TTN: variants seen among roughly 807,000 people sequenced by gnomAD.
TTN encodes titin, also known as connectin.
Under a neutral mutation model 3,223.0 loss-of-function variants are expected in TTN, and 1,525 were observed. The ratio of observed to expected loss-of-function variants is 0.47; its 90% CI spans 0.45 to 0.49. TTN has a LOEUF of 0.49. Among genes scored for constraint, TTN ranks in the 20% least tolerant of loss-of-function variants. TTN has a pLI of 0.00. For synonymous variants in TTN, 14,094 were observed against 15,161.0 expected, an observed-to-expected ratio of 0.93 and a Z score of 5.17; for missense variants, 40,786 against 43,424.0, an observed-to-expected ratio of 0.94 and a Z score of 5.40.
At position 178,693,555 on chromosome 2, in the gene TTN, T is replaced by A. The variant is rs2255167; in HGVS notation, c.31594+54A>T. On this transcript the variant is annotated intron_variant, in intron 119 of 362. Transcript: ENST00000589042. The stretch of plus-strand genomic sequence containing the variant: ...TACTAACATAAATGTTTTACTATGG[T>A]ATTTGTACTAATTTTTATTAAAAGA... The A allele has an allele frequency of 0.21, 255,723 of 1,239,368 alleles. 30,132 individuals carry two copies. The highest frequency in any genetic ancestry group is 0.54 in the East Asian group (20,968 of 38,662). The allele number at this position is 1,239,368 out of a possible 1,614,324, so 76.8% of individuals were successfully genotyped here.
In TTN at chr2:178,711,119, A is replaced by G. The variant is rs758050033; in HGVS notation, c.28117T>C (p.Cys9373Arg). The change falls in exon 97 of 363, where the codon TGC becomes CGC. Residue 9373 changes from cysteine to arginine, a missense_variant. Physicochemically the swap from Cys to Arg is radical, Grantham distance 180 (BLOSUM62 -3). Coordinates refer to ENST00000589042, the MANE Select transcript of TTN (RefSeq NM_001267550.2). ...TDRSLAGQYS[C>R]TATNPIGSAS... is the part of the protein sequence containing the mutation. ...GAGCCTATAGGGTTTGTAGCTGTGCAGGAATACTGGCCTGCAAGGCTCCGG... is the reference window on the plus strand; with the variant it reads ...GAGCCTATAGGGTTTGTAGCTGTGCGGGAATACTGGCCTGCAAGGCTCCGG... 1 of 1,613,816 alleles carries G rather than the reference A, an allele frequency of 6.2e-7. No individual in the cohort carries two copies. The highest frequency in any genetic ancestry group is 1.1e-5 in the South Asian group (1 of 91,062).
At chr2:178,727,033 T>C (rs778058344) in intron 69 of TTN, 57 bp downstream of exon 69, 1 of 1,363,764 alleles carries the variant, frequency 7.3e-7, no homozygotes, top group Admixed American at 2.7e-5. Flanking sequence ...AGAGCTATAA[T>C]ACCCAGGGGA....
intron 67 of TTN, 69 bp downstream of exon 67, chr2:178,728,041 A>G (rs2079659616): frequency 6.8e-7 from 1 of 1,467,594 alleles, no homozygotes; most frequent in African/African-American, 1.4e-5. Context: ...TAAAGGATAC[A>G]AAGGCAAGAG....
chr2:178,555,208 T>A lies in TTN; in HGVS notation c.88307-56A>T. 3.3e-6 allele frequency: 5 copies of A among 1,511,012 alleles called. No homozygotes were observed. In the South Asian group the frequency reaches 4.9e-5, roughly 15 times the overall value. The allele number at this position is 1,511,012 out of a possible 1,614,324, so 93.6% of individuals were successfully genotyped here. A position where few individuals can be genotyped will look rare whatever the true frequency, so the allele number is the denominator to read the frequency against. Reference sequence around the variant, plus strand: ...AATATTATAAGGATGGAAAAAAAAATAGTTGCACCAACCTTAAAGTAAGGT... The same window carrying A: ...AATATTATAAGGATGGAAAAAAAAAAAGTTGCACCAACCTTAAAGTAAGGT... On this transcript the variant is annotated intron_variant, in intron 330 of 362. Coordinates refer to ENST00000589042, the MANE Select transcript of TTN (RefSeq NM_001267550.2).
chr2:178,786,201 C>T, intron 13 of TTN, 60 bp from the exon 14 acceptor site: 1 of 1,583,530 alleles, frequency 6.3e-7, no homozygotes, highest in East Asian at 2.3e-5. Flanking sequence ...TGGAATATCT[C>T]CTGGGCATCA....
Position 178,728,594 on chromosome 2 carries a change from A to C in TTN, c.19332T>G (p.Ile6444Met). 6.2e-7 allele frequency: 1 copy of C among 1,613,206 alleles called. No homozygotes were observed. The highest frequency in any genetic ancestry group is 8.5e-7 in the Non-Finnish European group (1 of 1,179,560). The change falls in exon 66 of 363, where the codon ATT (isoleucine) becomes ATG (methionine). Residue 6444 changes from isoleucine (I) to methionine (M), a missense_variant. Physicochemically the swap from Ile to Met is conservative, Grantham distance 10. Transcript: ENST00000589042. ...SFENNVASFR[I>M]QSVMKQDSGQ... ...CGCTGTCCTGCTTCATTACTGACTGAATTCTAAAACTGGCCACGTTATTTT... is the reference window on the plus strand; with the variant it reads ...CGCTGTCCTGCTTCATTACTGACTGCATTCTAAAACTGGCCACGTTATTTT...
chr2:178,642,439 A>G (rs1038970154), intron 218 of TTN, 122 bp from the exon 219 acceptor site: 35 of 741,112 alleles, frequency 4.7e-5, no homozygotes, highest in Non-Finnish European at 6.7e-5. Flanking sequence ...TTCGCTGCAT[A>G]TAAATACCAC....
chr2:178,745,520 AT>A lies in TTN; in HGVS notation c.11312-3600del, dbSNP rs2083326540. ...TTTGGAAGTTTATTAGATCCACATA[AT>A]TTGGAAAATATGAAAGCACTCAGAT... On this transcript the variant is annotated intron_variant, in intron 47 of 362. Coordinates refer to ENST00000589042, the MANE Select transcript of TTN (RefSeq NM_001267550.2). 5.0e-6 allele frequency: 8 copies of A among 1,596,040 alleles called. 1 individual carries two copies. In the South Asian group the frequency reaches 7.8e-5, roughly 16 times the overall value.
Position 178,681,461 on chromosome 2 carries a change from T to C in TTN, c.33173-11A>G. The C allele has an allele frequency of 1.3e-6, 2 of 1,597,750 alleles. No individual in the cohort carries two copies. Among genetic ancestry groups the C allele is most frequent in the Non-Finnish European group, 1.7e-6 (2 of 1,173,948 alleles). On this transcript the variant is annotated splice_polypyrimidine_tract_variant and intron_variant, in intron 136 of 362. Coordinates refer to ENST00000589042, the MANE Select transcript of TTN (RefSeq NM_001267550.2). ...CAGCTTTCTTCAGCACTTCAAAATA[T>C]CAATATTAAGAGATTTTAAAAATTG...
At chr2:178,710,061 T>G (rs186105775) in intron 98 of TTN, among the ~76,000 whole-genome samples, 2 of 152,312 alleles carry the variant, frequency 1.3e-5, no homozygotes, top group Non-Finnish European at 2.9e-5. Flanking sequence ...AGGTGGATGA[T>G]AAGAAGTAAC....
At chr2:178,624,166 C>A (rs1420999582) in intron 242 of TTN, among the ~76,000 whole-genome samples, 1 of 151,952 alleles carries the variant, frequency 6.6e-6, no homozygotes, top group Non-Finnish European at 1.5e-5. Flanking sequence ...ATCAGGATAT[C>A]CATACAGTAG....
Position 178,620,605 on chromosome 2 carries a change from C to T in TTN, c.45916G>A (p.Glu15306Lys), listed in dbSNP as rs774339883. 61 of 1,609,354 alleles carry T rather than the reference C, an allele frequency of 3.8e-5. No individual in the cohort carries two copies. Among genetic ancestry groups the T allele is most frequent in the Non-Finnish European group, 5.1e-5 (60 of 1,178,052 alleles). ...ATTGTTTCAATATCTTTAAGAGGCT[C>T]AACAATCCTAAGGTCTTCCTCTGTT... ...IVEEEDLRIV[E>K]PLKDIETMEK... Residue 15306 changes from glutamate to lysine, a missense_variant, in exon 248 of 363, where the codon GAG becomes AAG. Physicochemically the swap from Glu to Lys is moderately conservative, Grantham distance 56 (BLOSUM62 1). Coordinates refer to ENST00000589042, the MANE Select transcript of TTN (RefSeq NM_001267550.2).
At chr2:178,709,917 T>C in intron 98 of TTN, 61 bp from the exon 99 acceptor site, 1 of 1,500,878 alleles carries the variant, frequency 6.7e-7, no homozygotes. Flanking sequence ...AATATGAAGC[T>C]TTTCAAGAAA....
intron 142 of TTN, 132 bp downstream of exon 142, chr2:178,679,207 C>A: frequency 7.8e-6 from 7 of 896,404 alleles, no homozygotes; most frequent in Non-Finnish European, 1.2e-5. Flanking sequence ...GCTCCTGTGG[C>A]CAGTTGAGAG....
intron 155 of TTN, among the ~76,000 whole-genome samples, chr2:178,671,468 A>G (rs761869513): frequency 4.0e-5 from 6 of 151,776 alleles, no homozygotes; most frequent in Admixed American, 2.0e-4. Context: ...TCTTCACAGT[A>G]TGCTAGAATA....
chr2:178,696,121 G>A lies in TTN; in HGVS notation c.30951C>T (p.Phe10317=), dbSNP rs952564944. 2.5e-5 allele frequency: 39 copies of A among 1,551,766 alleles called. No homozygotes were observed. Among genetic ancestry groups the A allele is most frequent in the Middle Eastern group, 1.7e-4 (1 of 5,990 alleles). The change falls in exon 114 of 363, where the codon TTC becomes TTT. Residue 10317 remains phenylalanine (F), a synonymous_variant. Transcript: ENST00000589042. ...HKEKRVFIES[F]EEPYDELEVE... ...CCTCCAGTTCGTCATAAGGTTCTTC[G>A]AAAGATTCAATGAAGACTCTCTTCT...
chr2:178,540,132 A>G lies in TTN; in HGVS notation c.98034T>C (p.Cys32678=), dbSNP rs727504928. Residue 32678 remains cysteine, a synonymous_variant, in exon 351 of 363, where the codon TGT becomes TGC. Coordinates refer to ENST00000589042, the MANE Select transcript of TTN (RefSeq NM_001267550.2). The part of the protein sequence containing the change: ...GAEYRFRVLA[C]NAGGPGEPAE... ...CAGGCTCACCAGGTCCACCAGCATT[A>G]CAAGCTAGGACGCGGAACCTGTATT... is the stretch of plus-strand genomic sequence containing the variant. The G allele has an allele frequency of 7.4e-6, 12 of 1,612,862 alleles. No individual in the cohort carries two copies. The East Asian group carries it at 1.3e-4, about 18-fold the overall frequency.
In TTN at chr2:178,597,683, T is replaced by G. The variant is rs1576219060; in HGVS notation, c.57399A>C (p.Leu19133Phe). ...TGGTCTCAATGGTGGCTTCTTGAGG[T>G]AAGGTTCTTTCATTCATGTTCCAGG... is the stretch of plus-strand genomic sequence containing the variant. ...TVTWNMNERT[L>F]PQEATIETTA... Residue 19133 changes from leucine to phenylalanine, a missense_variant, in exon 294 of 363, where the codon TTA (leucine) becomes TTC (phenylalanine). Physicochemically the swap from Leu to Phe is conservative, Grantham distance 22. Transcript: ENST00000589042. 2 of 1,613,330 alleles carry G rather than the reference T, an allele frequency of 1.2e-6. No homozygotes were observed. Among genetic ancestry groups the G allele is most frequent in the South Asian group, 1.1e-5 (1 of 91,070 alleles).
rs746430344 is a variant in TTN, at chr2:178,527,536, C to G, written c.107590G>C (p.Val35864Leu). The change falls in exon 362 of 363, where the codon GTA (valine) becomes CTA (leucine). Residue 35864 changes from valine (V) to leucine (L), a missense_variant. Val to Leu is a conservative substitution (Grantham distance 32). Coordinates refer to ENST00000589042, the MANE Select transcript of TTN (RefSeq NM_001267550.2). The part of the protein sequence containing the change: ...QSMSSMQESF[V>L]EMSSSSFMGI... ...ATAAAGCTGCTGGAACTCATTTCTA[C>G]AAAGGACTCTTGCATGGAGGACATG... 2 of 1,614,034 alleles carry G rather than the reference C, an allele frequency of 1.2e-6. No homozygotes were observed. Among genetic ancestry groups the G allele is most frequent in the Non-Finnish European group, 1.7e-6 (2 of 1,179,888 alleles).
Sources: gnomAD v4.1 joint callset for allele counts (sites outside exome capture counted in the v4.1 genomes callset) on GRCh38, gnomAD v4.1.1 for gene constraint, MANE v1.5 for transcripts, NCBI Gene and HGNC (gene_info 2026-07-23, HGNC 2026-07-21) for gene names.